The following PTPRD variants were observed in gnomAD, a reference collection of about 807,000 sequenced individuals.
The protein encoded by PTPRD is protein tyrosine phosphatase receptor type D.
PTPRD carries 34 observed loss-of-function variants against 214.5 expected under a neutral mutation model. That is an observed-to-expected ratio of 0.16 (90% CI 0.12 to 0.21). The LOEUF (loss-of-function observed/expected upper bound fraction) is 0.21. Ranked by LOEUF, PTPRD falls within the 10% of genes least tolerant of loss-of-function variation. The pLI, the probability that PTPRD is intolerant of heterozygous loss-of-function variation, is 1.00. For synonymous variants in PTPRD, 1,128 were observed against 845.7 expected (o/e 1.33, Z -5.79); for missense variants, 2,545 against 2,398.7 (o/e 1.06, Z -1.27).
chr9:8,953,978 G>C (rs1583332), intron 11 of PTPRD, among the ~76,000 whole-genome samples: 126,917 of 151,946 alleles, frequency 0.84, 53,278 homozygotes, highest in East Asian at 0.91. Flanking sequence ...TTCAACCCAG[G>C]AATCCCGTTA....
chr9:9,071,189 G>C (rs192961145), intron 10 of PTPRD, among the ~76,000 whole-genome samples: 1 of 152,230 alleles, frequency 6.6e-6, no homozygotes, highest in Non-Finnish European at 1.5e-5. Flanking sequence ...ACTTGGAGTG[G>C]CTTGCATGAC....
intron 11 of PTPRD, among the ~76,000 whole-genome samples, chr9:8,876,682 C>T (rs1270559857): frequency 6.6e-6 from 1 of 152,148 alleles, no homozygotes; most frequent in African/African-American, 2.4e-5. Flanking sequence ...TGCAAAATAA[C>T]TCAGAACATT....
At chr9:10,577,089 AAAGCTGTAATTTTTTTTTT>A (rs1165345103) in intron 2 of PTPRD, among the ~76,000 whole-genome samples, 1 of 146,000 alleles carries the variant, frequency 6.8e-6, no homozygotes. Flanking sequence ...TCCTATTTTT[AAAGCTGTAATTTTTTTTTT>A]AAACCACTAT....
At chr9:9,404,672 G>A (rs142064699) in intron 8 of PTPRD, among the ~76,000 whole-genome samples, 1 of 152,190 alleles carries the variant, frequency 6.6e-6, no homozygotes, top group African/African-American at 2.4e-5. Context: ...GAAGTTGGAT[G>A]CGGAAACCTA....
chr9:9,950,023 G>C (rs1481734326), intron 4 of PTPRD, among the ~76,000 whole-genome samples: 2 of 152,076 alleles, frequency 1.3e-5, no homozygotes, highest in Non-Finnish European at 2.9e-5. Context: ...TTAACATAAA[G>C]TCTCTTAGTT....
intron 4 of PTPRD, among the ~76,000 whole-genome samples, chr9:9,944,945 C>A (rs1350310224): frequency 6.6e-6 from 1 of 151,808 alleles, no homozygotes; most frequent in Admixed American, 6.6e-5. Context: ...AACAAAAAGG[C>A]CTACTGTAAA....
At chr9:10,015,871 A>C (rs552467443) in intron 4 of PTPRD, among the ~76,000 whole-genome samples, 7 of 151,790 alleles carry the variant, frequency 4.6e-5, no homozygotes, top group African/African-American at 1.7e-4. Flanking sequence ...ATTTCATTTC[A>C]GGATCACATT....
At chr9:10,362,512 C>A (rs909523239) in intron 2 of PTPRD, among the ~76,000 whole-genome samples, 1 of 152,072 alleles carries the variant, frequency 6.6e-6, no homozygotes, top group African/African-American at 2.4e-5. Context: ...AAGTCTACTT[C>A]TTGAAATTCT....
At chr9:8,498,067 G>C (rs1197118723) in intron 25 of PTPRD, among the ~76,000 whole-genome samples, 1 of 152,164 alleles carries the variant, frequency 6.6e-6, no homozygotes, top group African/African-American at 2.4e-5. Flanking sequence ...CCCCTTTCCA[G>C]TGTTGAAGGG....
intron 8 of PTPRD, among the ~76,000 whole-genome samples, chr9:9,539,377 G>A (rs1472515709): frequency 6.6e-6 from 1 of 151,772 alleles, no homozygotes; most frequent in East Asian, 1.9e-4. Context: ...GTGATAATAT[G>A]GGAGGCTTCT....
At chr9:10,380,311 G>A (rs2097794649) in intron 2 of PTPRD, among the ~76,000 whole-genome samples, 1 of 152,176 alleles carries the variant, frequency 6.6e-6, no homozygotes, top group East Asian at 1.9e-4. Flanking sequence ...GGAAATCAAT[G>A]ACCCATGAGA....
chr9:9,061,629 A>G (rs545042971), intron 10 of PTPRD, among the ~76,000 whole-genome samples: 1 of 152,312 alleles, frequency 6.6e-6, no homozygotes, highest in African/African-American at 2.4e-5. Flanking sequence ...AAAGGGTCAC[A>G]GCAGGACATG....
At chr9:9,324,730 C>A (rs1968890295) in intron 9 of PTPRD, among the ~76,000 whole-genome samples, 1 of 151,980 alleles carries the variant, frequency 6.6e-6, no homozygotes. Context: ...CTTTTGTTGC[C>A]ATTGCTTTTG....
At chr9:9,849,447 T>G (rs1339728606) in intron 5 of PTPRD, among the ~76,000 whole-genome samples, 1 of 152,118 alleles carries the variant, frequency 6.6e-6, no homozygotes, top group Non-Finnish European at 1.5e-5. Flanking sequence ...TTTGGCTAAA[T>G]GAGAACAGAA....
chr9:8,342,826 C>T (rs1853789329), intron 39 of PTPRD, among the ~76,000 whole-genome samples: 1 of 151,988 alleles, frequency 6.6e-6, no homozygotes, highest in Admixed American at 6.6e-5. Flanking sequence ...GGACATAATA[C>T]TTTATACACA....
intron 3 of PTPRD, among the ~76,000 whole-genome samples, chr9:10,073,592 T>C (rs1458225356): frequency 6.6e-6 from 1 of 152,124 alleles, no homozygotes; most frequent in Non-Finnish European, 1.5e-5. Context: ...AGCTGAAAGA[T>C]GGCAGTTGGA....
chr9:8,722,486 A>C (rs1385978623), intron 12 of PTPRD, among the ~76,000 whole-genome samples: 1 of 117,900 alleles, frequency 8.5e-6, no homozygotes, highest in Non-Finnish European at 1.7e-5. Flanking sequence ...TAAATCATAT[A>C]AACAATAAAG....
intron 2 of PTPRD, among the ~76,000 whole-genome samples, chr9:10,363,653 A>G (rs2097440632): frequency 6.6e-6 from 1 of 152,210 alleles, no homozygotes; most frequent in Non-Finnish European, 1.5e-5. Flanking sequence ...TTAAAATTAG[A>G]ATGGAAAAAT....
At chr9:9,028,180 C>A (rs1456727281) in intron 10 of PTPRD, among the ~76,000 whole-genome samples, 1 of 151,928 alleles carries the variant, frequency 6.6e-6, no homozygotes, top group East Asian at 1.9e-4. Flanking sequence ...CCAACACGTT[C>A]TTTTATCAAA....
Sources: allele counts gnomAD v4.1 joint callset (sites outside exome capture counted in the v4.1 genomes callset), GRCh38; gene constraint gnomAD v4.1.1; transcripts MANE v1.5; gene names NCBI Gene and HGNC (gene_info 2026-07-23, HGNC 2026-07-21).